The following CEP83 variants were observed in gnomAD, a reference collection of about 807,000 sequenced individuals.
CEP83 encodes the protein centrosomal protein of 83 kDa.
Under a neutral mutation model 101.9 loss-of-function variants are expected in CEP83, and 70 were observed. The ratio of observed to expected loss-of-function variants is 0.69; its 90% CI spans 0.57 to 0.84. The LOEUF (loss-of-function observed/expected upper bound fraction) is 0.84, where lower values mean the gene tolerates loss of function less well. CEP83 is among the 40% of genes least tolerant of loss of function. CEP83 has a pLI of 0.00. For synonymous variants in CEP83, 264 were observed against 267.9 expected, an observed-to-expected ratio of 0.99 and a Z score of 0.14; for missense variants, 715 against 787.2, an observed-to-expected ratio of 0.91 and a Z score of 1.10.
chr12:94,348,702 A>G (rs1315033122), intron 11 of CEP83, among the ~76,000 whole-genome samples: 1 of 152,126 alleles, frequency 6.6e-6, no homozygotes, highest in African/African-American at 2.4e-5. Context: ...CAGGGAAACC[A>G]TTACATTTGA....
intron 6 of CEP83, among the ~76,000 whole-genome samples, chr12:94,391,544 T>A (rs2062534740): frequency 6.6e-6 from 1 of 152,114 alleles, no homozygotes; most frequent in Non-Finnish European, 1.5e-5. Flanking sequence ...GTAAAGACCA[T>A]CGATGCTATG....
the CEP83 span, among the ~76,000 whole-genome samples, chr12:94,289,616 C>G: frequency 6.6e-6 from 1 of 152,194 alleles, no homozygotes. Flanking sequence ...TCAGATGGAA[C>G]AAATGGCATC....
At chr12:94,427,645 A>G (rs747643162) in intron 2 of CEP83, among the ~76,000 whole-genome samples, 51 of 152,246 alleles carry the variant, frequency 3.3e-4, no homozygotes, top group Non-Finnish European at 6.6e-4. Flanking sequence ...GAAAGCTTCC[A>G]AAACACATTC....
intron 14 of CEP83, among the ~76,000 whole-genome samples, chr12:94,318,438 C>T (rs1034919419): frequency 1.3e-5 from 2 of 152,124 alleles, no homozygotes; most frequent in African/African-American, 2.4e-5. Flanking sequence ...CTGGCCAGGA[C>T]TTTTAATACT....
intron 14 of CEP83, among the ~76,000 whole-genome samples, chr12:94,330,035 C>T (rs2136463551): frequency 6.6e-6 from 1 of 152,256 alleles, no homozygotes; most frequent in Admixed American, 6.5e-5. Flanking sequence ...AAAAAGGGGT[C>T]TAGGAACTGC....
At chr12:94,417,793 T>C (rs1011308768) in intron 2 of CEP83, among the ~76,000 whole-genome samples, 2 of 139,244 alleles carry the variant, frequency 1.4e-5, no homozygotes, top group Non-Finnish European at 3.3e-5. Context: ...ATCTCAAAAA[T>C]ACATACATAC....
At chr12:94,292,922 TATC>T in the CEP83 span, among the ~76,000 whole-genome samples, 3 of 152,210 alleles carry the variant, frequency 2.0e-5, no homozygotes, top group African/African-American at 2.4e-5. Context: ...CTGGATGAAT[TATC>T]ATCAAGTGAG....
chr12:94,331,220 G>A (rs1056680224), intron 14 of CEP83, among the ~76,000 whole-genome samples: 4 of 143,702 alleles, frequency 2.8e-5, no homozygotes, highest in Non-Finnish European at 6.0e-5. Flanking sequence ...GAACCCAGGG[G>A]ATGGAGGTTG....
At chr12:94,353,531 G>A (rs1293866067) in intron 11 of CEP83, among the ~76,000 whole-genome samples, 1 of 152,076 alleles carries the variant, frequency 6.6e-6, no homozygotes, top group Non-Finnish European at 1.5e-5. Context: ...AAGATCTACA[G>A]TACAACCAGA....
At chr12:94,434,846 A>C (rs1283595201) in intron 2 of CEP83, among the ~76,000 whole-genome samples, 1 of 152,184 alleles carries the variant, frequency 6.6e-6, no homozygotes, top group Non-Finnish European at 1.5e-5. Context: ...GTATGCCTGC[A>C]TTTTGACTGC....
At chr12:94,392,468 T>C (rs1217984031) in intron 6 of CEP83, among the ~76,000 whole-genome samples, 3 of 152,156 alleles carry the variant, frequency 2.0e-5, no homozygotes, top group African/African-American at 2.4e-5. Context: ...TGTACCAGAA[T>C]CTCTGGGACA....
At chr12:94,391,315 C>T (rs2062517735) in intron 6 of CEP83, among the ~76,000 whole-genome samples, 1 of 152,096 alleles carries the variant, frequency 6.6e-6, no homozygotes, top group South Asian at 2.1e-4. Flanking sequence ...AGAGAGGGGG[C>T]CAATATTCAA....
rs73368595 is a variant in CEP83, at chr12:94,309,634, T to G, written c.2001+284A>C. On this transcript the variant is annotated intron_variant, in intron 16 of 16. Transcript: ENST00000397809. ...AACATTATGAATAAGCTACAAACTC[T>G]AGGTTACTCAATGACTCAATCAAGT... 0.032 allele frequency among the ~76,000 whole-genome samples: 4,930 copies of G among 152,272 alleles called. 261 individuals are homozygous for G. The highest frequency in any genetic ancestry group is 0.11 in the African/African-American group (4,495 of 41,546).
intron 11 of CEP83, among the ~76,000 whole-genome samples, chr12:94,357,418 AGAAATATGTCCAAAATGTAAAAAAG>A: frequency 6.6e-6 from 1 of 150,774 alleles, no homozygotes; most frequent in South Asian, 2.1e-4. Flanking sequence ...CTGTTGAGCC[AGAAATATGTCCAAAATGTAAAAAAG>A]GAAGACACTG....
downstream of CEP83, chr12:94,306,639 T>C (rs1969049087): frequency 6.6e-6 from 1 of 152,202 alleles, no homozygotes; most frequent in South Asian, 2.1e-4. Flanking sequence ...GGAAAGAAAA[T>C]TTTTTCAAGT....
chr12:94,448,190 TTAAGA>T (rs1405104024), intron 1 of CEP83, among the ~76,000 whole-genome samples: 3 of 151,840 alleles, frequency 2.0e-5, no homozygotes, highest in Admixed American at 6.6e-5. Context: ...AAAATAGATT[TTAAGA>T]TAAGAAATAT....
At chr12:94,450,669 T>C (rs541299533) in intron 1 of CEP83, among the ~76,000 whole-genome samples, 7 of 152,314 alleles carry the variant, frequency 4.6e-5, no homozygotes, top group Admixed American at 3.3e-4. Context: ...AAGTGCACGA[T>C]TTGTACACTG....
At chr12:94,359,938 A>T (rs2365455) in intron 11 of CEP83, among the ~76,000 whole-genome samples, 1 of 152,018 alleles carries the variant, frequency 6.6e-6, no homozygotes, top group Non-Finnish European at 1.5e-5. Flanking sequence ...CACCATGATC[A>T]AGTTAGATTT....
the CEP83 span, among the ~76,000 whole-genome samples, chr12:94,273,039 T>C: frequency 6.6e-6 from 1 of 152,224 alleles, no homozygotes; most frequent in Non-Finnish European, 1.5e-5. Flanking sequence ...ACCGGCTCCA[T>C]GATTTTGGAC....
Sources: gnomAD v4.1 joint callset for allele counts (sites outside exome capture counted in the v4.1 genomes callset) on GRCh38, gnomAD v4.1.1 for gene constraint, MANE v1.5 for transcripts, NCBI Gene and HGNC (gene_info 2026-07-23, HGNC 2026-07-21) for gene names.